The following GRIA1 variants were observed in gnomAD, a reference collection of about 807,000 sequenced individuals.
GRIA1 encodes the protein glutamate ionotropic receptor AMPA type subunit 1, also known as glutamate receptor 1.
In GRIA1, 31 loss-of-function variants were observed where a neutral mutation model predicts 99.2. The observed-to-expected ratio is 0.31, with a 90% CI of 0.23 to 0.42. GRIA1 has a LOEUF of 0.42. Among genes scored for constraint, GRIA1 ranks in the 10% least tolerant of loss-of-function variants. The probability of loss-of-function intolerance (pLI) is 1.00; values close to 1 mark genes in which losing one functional copy is unlikely to be tolerated. For synonymous variants in GRIA1, 438 were observed against 432.4 expected (o/e 1.01, Z -0.16); for missense variants, 782 against 1,157.5 (o/e 0.68, Z 4.71).
At chr5:153,725,924 C>A (rs1364206738) in intron 11 of GRIA1, among the ~76,000 whole-genome samples, 3 of 134,930 alleles carry the variant, frequency 2.2e-5, no homozygotes, top group Non-Finnish European at 3.1e-5. Flanking sequence ...CACCCCATAT[C>A]AACAGAATAT....
chr5:153,500,610 T>TACACACACACACACACACACACAC (rs35636352), intron 2 of GRIA1, among the ~76,000 whole-genome samples: 1 of 120,122 alleles, frequency 8.3e-6, no homozygotes, highest in African/African-American at 3.0e-5. Flanking sequence ...CCCTCTTACA[T>TACACACACACACACACACACACAC]ACACACACAC....
chr5:153,699,044 A>G lies in GRIA1; in HGVS notation c.1423A>G (p.Asn475Asp), dbSNP rs763567032. The G allele has an allele frequency of 6.2e-7, 1 of 1,613,826 alleles. No homozygotes were observed. Among genetic ancestry groups the G allele is most frequent in the African/African-American group, 1.3e-5 (1 of 75,034 alleles). ...CCGAGACCCTGACACGAAGGCCTGG[A>G]ATGGCATGGTGGGAGAGCTGGTCTA... ...GARDPDTKAW[N>D]GMVGELVYGR... The change falls in exon 10 of 16, where the codon AAT becomes GAT. Residue 475 changes from asparagine (N) to aspartate (D), a missense_variant. Coordinates refer to ENST00000285900, the MANE Select transcript of GRIA1 (RefSeq NM_000827.4).
At chr5:153,687,490 T>C (rs151296796) in intron 8 of GRIA1, among the ~76,000 whole-genome samples, 116 of 152,290 alleles carry the variant, frequency 7.6e-4, no homozygotes, top group African/African-American at 2.7e-3. Flanking sequence ...TGGGTCTTAA[T>C]CTCTCAGACT....
chr5:153,745,045 A>G (rs1762051515), intron 11 of GRIA1, among the ~76,000 whole-genome samples: 1 of 152,104 alleles, frequency 6.6e-6, no homozygotes, highest in African/African-American at 2.4e-5. Flanking sequence ...CACTCTCCAG[A>G]CTCATCCTGT....
chr5:153,735,691 G>A (rs1479159819), intron 11 of GRIA1, among the ~76,000 whole-genome samples: 2 of 152,136 alleles, frequency 1.3e-5, no homozygotes, highest in Non-Finnish European at 2.9e-5. Flanking sequence ...TTTGGATGGG[G>A]TGACTGCTGT....
At chr5:153,658,401 T>G (rs546412741) in intron 5 of GRIA1, among the ~76,000 whole-genome samples, 1 of 152,160 alleles carries the variant, frequency 6.6e-6, no homozygotes, top group Non-Finnish European at 1.5e-5. Context: ...GGCTGTTGTA[T>G]CCTTCTGATC....
chr5:153,501,808 G>A (rs189273607), intron 2 of GRIA1, among the ~76,000 whole-genome samples: 1 of 152,206 alleles, frequency 6.6e-6, no homozygotes, highest in African/African-American at 2.4e-5. Context: ...CTCTCTGTGT[G>A]CCCATGGGCA....
chr5:153,773,455 CA>C (rs1246232859), intron 13 of GRIA1, among the ~76,000 whole-genome samples: 1 of 152,142 alleles, frequency 6.6e-6, no homozygotes, highest in Non-Finnish European at 1.5e-5. Context: ...CTTTGAAGTC[CA>C]GAGCAACCAC....
chr5:153,598,701 T>C (rs1764629767), intron 2 of GRIA1, among the ~76,000 whole-genome samples: 1 of 152,170 alleles, frequency 6.6e-6, no homozygotes, highest in Non-Finnish European at 1.5e-5. Flanking sequence ...ATAGCCAATA[T>C]TTATTGGGCT....
intron 2 of GRIA1, among the ~76,000 whole-genome samples, chr5:153,519,913 T>TA (rs1346339160): frequency 1.3e-5 from 2 of 152,158 alleles, no homozygotes; most frequent in African/African-American, 2.4e-5. Context: ...TTTTCTCCCT[T>TA]AAAAATCTCT....
intron 7 of GRIA1, among the ~76,000 whole-genome samples, chr5:153,678,392 A>G (rs1581453452): frequency 6.6e-6 from 1 of 152,266 alleles, no homozygotes; most frequent in East Asian, 1.9e-4. Context: ...TTTGAAATGA[A>G]GCTAAGCAGG....
At chr5:153,562,107 T>G (rs1761184019) in intron 2 of GRIA1, among the ~76,000 whole-genome samples, 1 of 152,162 alleles carries the variant, frequency 6.6e-6, no homozygotes, top group Non-Finnish European at 1.5e-5. Flanking sequence ...CAAGTTCATT[T>G]GAGAACAACT....
chr5:153,694,684 C>T (rs1308157637), intron 8 of GRIA1, among the ~76,000 whole-genome samples: 1 of 152,196 alleles, frequency 6.6e-6, no homozygotes, highest in African/African-American at 2.4e-5. Context: ...ATTAGGAAAG[C>T]CTAGCTTTTA....
chr5:153,795,410 G>A, intron 14 of GRIA1: 1 of 853,608 alleles, frequency 1.2e-6, no homozygotes, highest in Non-Finnish European at 1.9e-6. Flanking sequence ...AATGAATACT[G>A]TCTGTGCTGA....
At chr5:153,619,965 A>G (rs1766876503) in intron 2 of GRIA1, among the ~76,000 whole-genome samples, 1 of 152,216 alleles carries the variant, frequency 6.6e-6, no homozygotes, top group South Asian at 2.1e-4. Context: ...GGAAGTTAGA[A>G]CAAGTCTCTA....
At position 153,770,237 on chromosome 5, in the gene GRIA1, C is replaced by T. The variant is rs564265256; in HGVS notation, c.2092C>T (p.Arg698Trp). Residue 698 changes from arginine to tryptophan, a missense_variant, in exon 13 of 16, where the codon CGG becomes TGG. By Grantham distance (101) the Arg-to-Trp change is moderately radical. Coordinates refer to ENST00000285900, the MANE Select transcript of GRIA1 (RefSeq NM_000827.4). ...MKSAEPSVFV[R>W]TTEEGMIRVR... ...GTCAGCAGAGCCATCAGTTTTTGTGCGGACCACAGAGGAGGGGATGATTCG... is the reference window on the plus strand; with the variant it reads ...GTCAGCAGAGCCATCAGTTTTTGTGTGGACCACAGAGGAGGGGATGATTCG... The T allele has an allele frequency of 4.3e-6, 7 of 1,613,706 alleles. No individual in the cohort carries two copies. Among genetic ancestry groups the T allele is most frequent in the Non-Finnish European group, 5.9e-6 (7 of 1,179,692 alleles).
chr5:153,625,971 C>T (rs943009703), intron 2 of GRIA1, among the ~76,000 whole-genome samples: 3 of 152,150 alleles, frequency 2.0e-5, no homozygotes, highest in African/African-American at 4.8e-5. Flanking sequence ...CTGGTGCCTA[C>T]GCCCGTCACT....
At chr5:153,632,354 A>G (rs866990180) in intron 2 of GRIA1, among the ~76,000 whole-genome samples, 1 of 152,214 alleles carries the variant, frequency 6.6e-6, no homozygotes, top group South Asian at 2.1e-4. Flanking sequence ...TCTTTAGTCA[A>G]TCTGCATGAC....
At chr5:153,656,531 A>G (rs1322026366) in intron 5 of GRIA1, among the ~76,000 whole-genome samples, 1 of 151,566 alleles carries the variant, frequency 6.6e-6, no homozygotes. Context: ...AGCACATACT[A>G]TTATGAGTTT....
Sources: gnomAD v4.1 joint callset for allele counts (sites outside exome capture counted in the v4.1 genomes callset) on GRCh38, gnomAD v4.1.1 for gene constraint, MANE v1.5 for transcripts, NCBI Gene and HGNC (gene_info 2026-07-23, HGNC 2026-07-21) for gene names.